ESRRB: variants seen among roughly 807,000 people sequenced by gnomAD.
The protein encoded by ESRRB is estrogen related receptor beta, also known as steroid hormone receptor ERR2.
Under a neutral mutation model 46.0 loss-of-function variants are expected in ESRRB, and 16 were observed. The ratio of observed to expected loss-of-function variants is 0.35; its 90% CI spans 0.24 to 0.53. ESRRB has a LOEUF of 0.53. Ranked by LOEUF, ESRRB falls within the 20% of genes least tolerant of loss-of-function variation. ESRRB has a pLI of 0.93. For missense variants in ESRRB, 488 were observed against 607.4 expected (o/e 0.80, Z 2.07); for synonymous variants, 246 against 259.6 (o/e 0.95, Z 0.50).
intron 1 of ESRRB, among the ~76,000 whole-genome samples, chr14:76,410,645 G>C (rs1886395343): frequency 6.6e-6 from 1 of 152,118 alleles, no homozygotes; most frequent in Non-Finnish European, 1.5e-5. Context: ...TGGTGGTCTG[G>C]CTTTATATCC....
chr14:76,426,828 C>T (rs1241816556), intron 1 of ESRRB, among the ~76,000 whole-genome samples: 2 of 152,090 alleles, frequency 1.3e-5, no homozygotes, highest in Non-Finnish European at 2.9e-5. Context: ...CCCAGGAGTT[C>T]AAGACCAGTC....
chr14:76,352,857 C>G (rs989381200), intron 1 of ESRRB, among the ~76,000 whole-genome samples: 1 of 152,252 alleles, frequency 6.6e-6, no homozygotes, highest in Non-Finnish European at 1.5e-5. Context: ...CCTCCGCCCC[C>G]ACGCGCACAC....
chr14:76,427,335 C>CTGTGTGTGTG (rs34441473), intron 1 of ESRRB, among the ~76,000 whole-genome samples: 3 of 148,892 alleles, frequency 2.0e-5, no homozygotes, highest in African/African-American at 7.3e-5. Flanking sequence ...TCTGCAGGAG[C>CTGTGTGTGTG]TGTGTGTGTG....
intron 5 of ESRRB, among the ~76,000 whole-genome samples, chr14:76,486,812 A>G (rs1480985406): frequency 6.6e-6 from 1 of 151,804 alleles, no homozygotes; most frequent in Non-Finnish European, 1.5e-5. Context: ...GGCACGGGGC[A>G]CCCCCAGACC....
intron 1 of ESRRB, among the ~76,000 whole-genome samples, chr14:76,333,036 T>A (rs367623477): frequency 3.0e-3 from 14 of 4,668 alleles, no homozygotes; most frequent in Non-Finnish European, 4.8e-3. Context: ...ATTATATATA[T>A]TATATATTAT....
chr14:76,329,609 C>T (rs1055636931), intron 1 of ESRRB, among the ~76,000 whole-genome samples: 1 of 152,056 alleles, frequency 6.6e-6, no homozygotes, highest in Non-Finnish European at 1.5e-5. Flanking sequence ...ATTAAATCAC[C>T]GAGGTGCCCA....
chr14:76,456,960 C>T (rs1199969466), intron 2 of ESRRB, among the ~76,000 whole-genome samples: 1 of 152,144 alleles, frequency 6.6e-6, no homozygotes, highest in Non-Finnish European at 1.5e-5. Context: ...AGAGTGGTAC[C>T]ATTTGAGCTC....
upstream of ESRRB, among the ~76,000 whole-genome samples, chr14:76,372,100 T>C (rs1241198827): frequency 6.6e-6 from 1 of 152,066 alleles, no homozygotes; most frequent in Non-Finnish European, 1.5e-5. Context: ...ACGAGACTGC[T>C]CTAGTGACCC....
chr14:76,320,882 A>G (rs550827480), intron 1 of ESRRB, among the ~76,000 whole-genome samples: 1 of 152,090 alleles, frequency 6.6e-6, no homozygotes, highest in Admixed American at 6.5e-5. Flanking sequence ...ACTTCTCTCC[A>G]TGCCCATTCT....
At chr14:76,320,327 C>A (rs567285511) in intron 1 of ESRRB, among the ~76,000 whole-genome samples, 2 of 152,330 alleles carry the variant, frequency 1.3e-5, no homozygotes, top group African/African-American at 2.4e-5. Flanking sequence ...CTTCTATAAG[C>A]CTCTGCCTGA....
chr14:76,453,442 C>A (rs1243353664), intron 2 of ESRRB, among the ~76,000 whole-genome samples: 2 of 151,972 alleles, frequency 1.3e-5, no homozygotes, highest in Admixed American at 1.3e-4. Context: ...GAGAGGATGA[C>A]TCTGTGAAAA....
At chr14:76,491,852 C>T in intron 6 of ESRRB, 136 bp downstream of exon 6, 1 of 1,093,302 alleles carries the variant, frequency 9.1e-7, no homozygotes, top group African/African-American at 1.6e-5. Flanking sequence ...CTTTTTATTA[C>T]TGAAGATTGT....
At chr14:76,314,740 G>A (rs934893633) in intron 1 of ESRRB, among the ~76,000 whole-genome samples, 1 of 152,036 alleles carries the variant, frequency 6.6e-6, no homozygotes, top group African/African-American at 2.4e-5. Context: ...CCAAGGTCGA[G>A]CAATGTCAAG....
intron 1 of ESRRB, among the ~76,000 whole-genome samples, chr14:76,342,013 C>A (rs535023467): frequency 2.0e-5 from 3 of 152,218 alleles, no homozygotes; most frequent in African/African-American, 7.2e-5. Context: ...CTGATGGGGA[C>A]CCCAGGGAGG....
intron 1 of ESRRB, among the ~76,000 whole-genome samples, chr14:76,404,202 G>T (rs56282300): frequency 6.6e-6 from 1 of 151,884 alleles, no homozygotes; most frequent in Non-Finnish European, 1.5e-5. Context: ...GCGCGCGTGC[G>T]TGTGTCTTCA....
At chr14:76,380,164 A>T (rs951666828) in intron 1 of ESRRB, among the ~76,000 whole-genome samples, 43 of 152,120 alleles carry the variant, frequency 2.8e-4, no homozygotes, top group African/African-American at 1.0e-3. Context: ...ATCTAAACTC[A>T]TTGAGAAAGT....
chr14:76,433,495 AG>A (rs1477475566), intron 1 of ESRRB, among the ~76,000 whole-genome samples: 1 of 152,146 alleles, frequency 6.6e-6, no homozygotes, highest in Non-Finnish European at 1.5e-5. Flanking sequence ...TCATCAAAGA[AG>A]CTGACAATTA....
chr14:76,387,982 G>T (rs1282220604), intron 1 of ESRRB, among the ~76,000 whole-genome samples: 1 of 152,072 alleles, frequency 6.6e-6, no homozygotes, highest in African/African-American at 2.4e-5. Context: ...ACAATCCTAG[G>T]AAGTAGGTAT....
chr14:76,452,383 A>G (rs1415223270), intron 2 of ESRRB, among the ~76,000 whole-genome samples: 2 of 151,446 alleles, frequency 1.3e-5, no homozygotes, highest in African/African-American at 2.4e-5. Flanking sequence ...TCCCAGCACT[A>G]TGGGAGGCAG....
Sources: gnomAD v4.1 joint callset for allele counts (sites outside exome capture counted in the v4.1 genomes callset) on GRCh38, gnomAD v4.1.1 for gene constraint, MANE v1.5 for transcripts, NCBI Gene and HGNC (gene_info 2026-07-23, HGNC 2026-07-21) for gene names.